The following MCTP2 variants were observed in gnomAD, a reference collection of about 807,000 sequenced individuals.
MCTP2 encodes the protein multiple C2 and transmembrane domain-containing protein 2.
Under a neutral mutation model 111.6 loss-of-function variants are expected in MCTP2, and 132 were observed. That is an observed-to-expected ratio of 1.18 (90% CI 1.03 to 1.37). MCTP2 has a LOEUF of 1.37. MCTP2 is among the 40% of genes most tolerant of loss of function. The probability of loss-of-function intolerance (pLI) is 0.00; values close to 1 mark genes in which losing one functional copy is unlikely to be tolerated. For synonymous variants in MCTP2, 395 were observed against 387.7 expected, an observed-to-expected ratio of 1.02 and a Z score of -0.22; for missense variants, 1,183 against 1,067.9, an observed-to-expected ratio of 1.11 and a Z score of -1.50.
At chr15:94,254,871 G>T (rs866307886) in intron 1 of MCTP2, among the ~76,000 whole-genome samples, 11 of 152,182 alleles carry the variant, frequency 7.2e-5, no homozygotes, top group Non-Finnish European at 1.2e-4. Context: ...TTTCCAAACT[G>T]TCAATTTGCT....
At chr15:94,426,271 CT>C (rs1290131631) in intron 17 of MCTP2, among the ~76,000 whole-genome samples, 1 of 152,044 alleles carries the variant, frequency 6.6e-6, no homozygotes, top group Admixed American at 6.5e-5. Flanking sequence ...TCCAGTATCA[CT>C]TATAGCTTTT....
intron 12 of MCTP2, among the ~76,000 whole-genome samples, chr15:94,382,426 C>G (rs2080191954): frequency 6.6e-6 from 1 of 152,244 alleles, no homozygotes; most frequent in African/African-American, 2.4e-5. Context: ...TGATCATTGT[C>G]TACTGGCAAC....
chr15:94,444,004 A>AAAAAAAAAT (rs2083969473), intron 19 of MCTP2, among the ~76,000 whole-genome samples: 1 of 149,882 alleles, frequency 6.7e-6, no homozygotes, highest in Non-Finnish European at 1.5e-5. Context: ...AAAAAAAAAA[A>AAAAAAAAAT]AACAGAAGTA....
chr15:94,409,860 ACCCTTCCTTTCC>A (rs1334413803), intron 17 of MCTP2, among the ~76,000 whole-genome samples: 4 of 137,908 alleles, frequency 2.9e-5, no homozygotes, highest in East Asian at 2.2e-4. Context: ...TTTTCCACTC[ACCCTTCCTTTCC>A]CCCTCCCTTT....
intron 17 of MCTP2, among the ~76,000 whole-genome samples, chr15:94,437,155 C>CAAAAA (rs11352999): frequency 1.6e-4 from 11 of 69,560 alleles, no homozygotes; most frequent in Non-Finnish European, 2.3e-4. Context: ...CTTACACATC[C>CAAAAA]AAAAAAAAAA....
At chr15:94,358,157 A>G (rs1026353653) in intron 9 of MCTP2, among the ~76,000 whole-genome samples, 4 of 152,220 alleles carry the variant, frequency 2.6e-5, no homozygotes, top group African/African-American at 7.2e-5. Flanking sequence ...GTCCTATAAG[A>G]CAGACAATTG....
intron 12 of MCTP2, among the ~76,000 whole-genome samples, chr15:94,371,303 A>G (rs947847249): frequency 5.9e-5 from 9 of 152,140 alleles, no homozygotes; most frequent in African/African-American, 2.2e-4. Context: ...ATTCACTAGT[A>G]TTATTGCAAA....
chr15:94,236,790 C>T (rs967079481), intron 1 of MCTP2, among the ~76,000 whole-genome samples: 2 of 152,140 alleles, frequency 1.3e-5, no homozygotes, highest in African/African-American at 2.4e-5. Flanking sequence ...AATAGATGCC[C>T]TCCCTCTGGC....
At position 94,399,025 on chromosome 15, in the gene MCTP2, G is replaced by C. The variant is rs780515255; in HGVS notation, c.1853G>C (p.Gly618Ala). 2 of 1,560,950 alleles carry C rather than the reference G, an allele frequency of 1.3e-6. No homozygotes were observed. The highest frequency in any genetic ancestry group is 8.8e-7 in the Non-Finnish European group (1 of 1,131,984). ...KNKDLEQAFK[G>A]VIYLEMDLIY... ...AAAGATTTAGAACAAGCTTTTAAAG[G>C]AGTTATTTACTTAGAGATGGACCTT... The change falls in exon 15 of 23, where the codon GGA becomes GCA. Residue 618 changes from glycine to alanine, a missense_variant. Transcript: ENST00000357742.
chr15:94,286,053 G>A (rs80016369), intron 1 of MCTP2, among the ~76,000 whole-genome samples: 482 of 152,302 alleles, frequency 3.2e-3, no homozygotes, highest in African/African-American at 0.01. Context: ...ATGGTAGATA[G>A]GGAATCTGTG....
At chr15:94,298,946 CCTCTCTCCCT>C (rs1567356456) in intron 2 of MCTP2, among the ~76,000 whole-genome samples, 1 of 6,900 alleles carries the variant, frequency 1.4e-4, no homozygotes, top group African/African-American at 6.7e-4. Context: ...TCCCTCTCTC[CCTCTCTCCCT>C]CTCTCCCTCT....
intron 13 of MCTP2, 41 bp from the exon 14 acceptor site, chr15:94,385,382 T>A (rs2080399246): frequency 1.5e-6 from 2 of 1,333,344 alleles, no homozygotes; most frequent in African/African-American, 2.9e-5. Flanking sequence ...CAGACTTCAC[T>A]TGTGTGTTTT....
intron 1 of MCTP2, among the ~76,000 whole-genome samples, chr15:94,275,497 T>A (rs1392697272): frequency 6.6e-6 from 1 of 152,174 alleles, no homozygotes; most frequent in Non-Finnish European, 1.5e-5. Context: ...AAAAGATAAT[T>A]GAGATAAATT....
chr15:94,273,362 A>T (rs2074014694), intron 1 of MCTP2: 1 of 152,252 alleles, frequency 6.6e-6, no homozygotes, highest in Non-Finnish European at 1.5e-5. Flanking sequence ...AATCCTCAGC[A>T]ATTAGGCTAG....
chr15:94,406,983 A>G (rs2152481664), intron 17 of MCTP2, among the ~76,000 whole-genome samples: 1 of 151,794 alleles, frequency 6.6e-6, no homozygotes, highest in African/African-American at 2.4e-5. Flanking sequence ...ATAGGCCCAT[A>G]TGTCTAGTGG....
intron 11 of MCTP2, among the ~76,000 whole-genome samples, chr15:94,369,608 T>C (rs1254845517): frequency 6.6e-6 from 1 of 152,184 alleles, no homozygotes; most frequent in Non-Finnish European, 1.5e-5. Context: ...AAATTCACTG[T>C]TTCTGCCCCA....
Position 94,481,198 on chromosome 15 carries a change from A to G in MCTP2, c.*2164A>G, listed in dbSNP as rs2074708070. The G allele has an allele frequency of 6.6e-6, 1 of 152,072 alleles. No individual in the cohort carries two copies. The highest frequency in any genetic ancestry group is 2.1e-4 in the South Asian group (1 of 4,818). 9.4% of individuals were successfully genotyped at this position (152,072 alleles called of 1,614,324 possible). A position where few individuals can be genotyped will look rare whatever the true frequency, so the allele number is the denominator to read the frequency against. ...TTCCCTTCTCAAACTTTATCTTCCCATTTCTAGCCCTGTCTCTCTATCTTA... is the reference window on the plus strand; with the variant it reads ...TTCCCTTCTCAAACTTTATCTTCCCGTTTCTAGCCCTGTCTCTCTATCTTA... On this transcript the variant is annotated 3_prime_UTR_variant, in exon 23 of 23. Coordinates refer to ENST00000357742, the MANE Select transcript of MCTP2 (RefSeq NM_001385001.1).
intron 19 of MCTP2, among the ~76,000 whole-genome samples, chr15:94,444,208 A>C (rs1009719011): frequency 3.9e-5 from 6 of 152,202 alleles, no homozygotes; most frequent in Admixed American, 2.0e-4. Context: ...ACAATTCAGG[A>C]ACAGCCAAAT....
intron 1 of MCTP2, chr15:94,292,878 A>G (rs191844520): frequency 1.3e-5 from 2 of 152,352 alleles, no homozygotes; most frequent in East Asian, 1.9e-4. Context: ...GAATAGTTAC[A>G]TAGATCAATG....
Sources: allele counts gnomAD v4.1 joint callset (sites outside exome capture counted in the v4.1 genomes callset), GRCh38; gene constraint gnomAD v4.1.1; transcripts MANE v1.5; gene names NCBI Gene and HGNC (gene_info 2026-07-23, HGNC 2026-07-21).